Variants in SKAP2 observed in about 807,000 individuals in gnomAD.
SKAP2 encodes src kinase associated phosphoprotein 2, also known as src kinase-associated phosphoprotein 2.
A neutral mutation model predicts 54.9 loss-of-function variants in SKAP2; 28 were observed. The observed-to-expected ratio is 0.51, with a 90% CI of 0.38 to 0.70. SKAP2 has a LOEUF of 0.70. Among genes scored for constraint, SKAP2 ranks in the 30% least tolerant of loss-of-function variants. SKAP2 has a pLI of 0.00. For synonymous variants in SKAP2, 137 were observed against 134.3 expected, an observed-to-expected ratio of 1.02 and a Z score of -0.14; for missense variants, 356 against 424.1, an observed-to-expected ratio of 0.84 and a Z score of 1.41.
At chr7:26,857,358 G>C in intron 1 of SKAP2, 4 of 307,106 alleles carry the variant, frequency 1.3e-5, no homozygotes, top group Non-Finnish European at 1.3e-5. Flanking sequence ...AGCAGTTCCC[G>C]AAATAATTTT....
chr7:26,849,783 T>G (rs1785001827), intron 3 of SKAP2, among the ~76,000 whole-genome samples: 1 of 151,462 alleles, frequency 6.6e-6, no homozygotes, highest in Non-Finnish European at 1.5e-5. Flanking sequence ...TATGCCCTTC[T>G]TTTAATAATT....
chr7:26,776,503 G>A (rs1783312829), intron 4 of SKAP2, among the ~76,000 whole-genome samples: 1 of 151,742 alleles, frequency 6.6e-6, no homozygotes. Context: ...TCTATGAATG[G>A]CATCACATCT....
chr7:26,844,792 A>G (rs1562633151), intron 3 of SKAP2, among the ~76,000 whole-genome samples: 1 of 152,036 alleles, frequency 6.6e-6, no homozygotes, highest in Non-Finnish European at 1.5e-5. Flanking sequence ...CAAACTAGAC[A>G]CTTTCAGTTT....
intron 4 of SKAP2, among the ~76,000 whole-genome samples, chr7:26,821,999 TTAA>T (rs1158363069): frequency 3.3e-5 from 5 of 152,160 alleles, no homozygotes; most frequent in South Asian, 2.1e-4. Flanking sequence ...TGTCAGATAA[TTAA>T]TAATAATTAT....
intron 9 of SKAP2, among the ~76,000 whole-genome samples, chr7:26,705,177 C>A (rs987845586): frequency 6.6e-6 from 1 of 152,204 alleles, no homozygotes; most frequent in Non-Finnish European, 1.5e-5. Flanking sequence ...CTTGTTTTCT[C>A]ATCCCCAAAT....
At chr7:26,732,454 C>T (rs1787841699) in intron 6 of SKAP2, among the ~76,000 whole-genome samples, 1 of 152,140 alleles carries the variant, frequency 6.6e-6, no homozygotes, top group Non-Finnish European at 1.5e-5. Flanking sequence ...AATAATTTCC[C>T]TTTCTGCATA....
chr7:26,817,442 T>C (rs973001024), intron 4 of SKAP2, among the ~76,000 whole-genome samples: 2 of 152,100 alleles, frequency 1.3e-5, no homozygotes, highest in African/African-American at 4.8e-5. Context: ...GGAACAATTG[T>C]CAACTAAAGG....
chr7:26,743,104 G>A lies in SKAP2; in HGVS notation c.308-3140C>T, dbSNP rs141378882. Among the ~76,000 whole-genome samples, 119 of 152,172 alleles carry A rather than the reference G, an allele frequency of 7.8e-4. No homozygotes were observed. The East Asian group carries it at 0.016, about 21-fold the overall frequency. The stretch of plus-strand genomic sequence containing the variant: ...AGCTGCCACATGTTTGCCATACACC[G>A]CAATTACGTTATCTCACTATGGAAC... On this transcript the variant is annotated intron_variant, in intron 4 of 12. Transcript: ENST00000345317.
At chr7:26,843,965 T>C in intron 4 of SKAP2, 65 bp downstream of exon 4, 1 of 995,598 alleles carries the variant, frequency 1.0e-6, no homozygotes, top group South Asian at 1.4e-5. Flanking sequence ...CTCATAAAAC[T>C]ACCACCCATA....
chr7:26,678,873 A>G (rs1342701255), intron 11 of SKAP2, among the ~76,000 whole-genome samples: 7 of 152,208 alleles, frequency 4.6e-5, no homozygotes, highest in Non-Finnish European at 1.0e-4. Context: ...ATTTCCCTGG[A>G]ATATCTAGCT....
At chr7:26,800,501 T>TA (rs1783890054) in intron 4 of SKAP2, among the ~76,000 whole-genome samples, 1 of 150,014 alleles carries the variant, frequency 6.7e-6, no homozygotes, top group African/African-American at 2.5e-5. Flanking sequence ...AATAAATAAA[T>TA]AAAGACCAGA....
At chr7:26,742,979 T>C (rs1240360070) in intron 4 of SKAP2, among the ~76,000 whole-genome samples, 4 of 152,156 alleles carry the variant, frequency 2.6e-5, no homozygotes, top group Admixed American at 6.6e-5. Flanking sequence ...AAGATTTAGA[T>C]TGGTACAAAG....
intron 1 of SKAP2, among the ~76,000 whole-genome samples, chr7:26,862,025 A>G (rs910222128): frequency 1.3e-5 from 2 of 152,046 alleles, no homozygotes; most frequent in African/African-American, 4.8e-5. Flanking sequence ...ACTGTTAACT[A>G]CAACACCATT....
chr7:26,713,394 G>A (rs1787352241), intron 9 of SKAP2, among the ~76,000 whole-genome samples: 1 of 152,076 alleles, frequency 6.6e-6, no homozygotes, highest in African/African-American at 2.4e-5. Context: ...AATCTGACAT[G>A]CAATGGGCTT....
intron 4 of SKAP2, among the ~76,000 whole-genome samples, chr7:26,811,798 G>T (rs1223583194): frequency 6.6e-6 from 1 of 152,124 alleles, no homozygotes; most frequent in African/African-American, 2.4e-5. Context: ...ATAAATACAA[G>T]TAATTTTAAT....
In SKAP2 at chr7:26,668,681, T is replaced by C. The variant is rs1396207807; in HGVS notation, c.*985A>G. On this transcript the variant is annotated 3_prime_UTR_variant, in exon 13 of 13. Coordinates refer to ENST00000345317, the MANE Select transcript of SKAP2 (RefSeq NM_003930.5). ...GATTCTGTTTTTTTTTTTTTTTTTTTCTGAGATGGAGTCTCACTCTGTCGC... is the reference window on the plus strand; with the variant it reads ...GATTCTGTTTTTTTTTTTTTTTTTTCCTGAGATGGAGTCTCACTCTGTCGC... 1 of 147,790 alleles carries C rather than the reference T, an allele frequency of 6.8e-6. No individual in the cohort carries two copies. The highest frequency in any genetic ancestry group is 1.5e-5 in the Non-Finnish European group (1 of 67,910). The allele number at this position is 147,790 out of a possible 1,614,324, so 9.2% of individuals were successfully genotyped here.
chr7:26,739,547 G>C (rs1315072861), intron 5 of SKAP2, among the ~76,000 whole-genome samples: 1 of 152,164 alleles, frequency 6.6e-6, no homozygotes, highest in Non-Finnish European at 1.5e-5. Context: ...GGGCATAGGA[G>C]AACCTGCTGC....
At chr7:26,790,479 A>AT (rs1427542390) in intron 4 of SKAP2, among the ~76,000 whole-genome samples, 1 of 152,220 alleles carries the variant, frequency 6.6e-6, no homozygotes, top group Non-Finnish European at 1.5e-5. Flanking sequence ...AGGTACAGTT[A>AT]TTTAAGAACA....
At position 26,725,611 on chromosome 7, in the gene SKAP2, A is replaced by G. The variant is rs370241314; in HGVS notation, c.659-46T>C. ...AGTAAATTTTAAAAGAATGCAGAAG[A>G]TATTTTTAAAACTATACTTTATAAA... On this transcript the variant is annotated intron_variant, in intron 8 of 12. Coordinates refer to ENST00000345317, the MANE Select transcript of SKAP2 (RefSeq NM_003930.5). 24 of 1,483,458 alleles carry G rather than the reference A, an allele frequency of 1.6e-5. No homozygotes were observed. In the African/African-American group the frequency reaches 2.7e-4, roughly 17 times the overall value. 91.9% of individuals were successfully genotyped at this position (1,483,458 alleles called of 1,614,324 possible).
Sources: gnomAD v4.1 joint callset for allele counts (sites outside exome capture counted in the v4.1 genomes callset) on GRCh38, gnomAD v4.1.1 for gene constraint, MANE v1.5 for transcripts, NCBI Gene and HGNC (gene_info 2026-07-23, HGNC 2026-07-21) for gene names.